ATRNL1: variants seen among roughly 807,000 people sequenced by gnomAD.
ATRNL1 encodes attractin like 1, also known as attractin-like protein 1.
A neutral mutation model predicts 182.7 loss-of-function variants in ATRNL1; 95 were observed. The observed-to-expected ratio is 0.52, with a 90% confidence interval of 0.44 to 0.62. The LOEUF is 0.62. ATRNL1 is among the 20% of genes least tolerant of loss of function. The pLI, the probability that ATRNL1 is intolerant of heterozygous loss-of-function variation, is 0.00. For missense variants in ATRNL1, 1,471 were observed against 1,679.5 expected, an observed-to-expected ratio of 0.88 and a Z score of 2.17; for synonymous variants, 576 against 568.3, an observed-to-expected ratio of 1.01 and a Z score of -0.19.
chr10:115,898,202 G>A (rs568174936), intron 28 of ATRNL1, among the ~76,000 whole-genome samples: 3 of 152,320 alleles, frequency 2.0e-5, no homozygotes, highest in Non-Finnish European at 2.9e-5. Context: ...TGGGATTACA[G>A]GCATGAGCCA....
intron 27 of ATRNL1, among the ~76,000 whole-genome samples, chr10:115,774,785 TA>T (rs1390988696): frequency 6.6e-6 from 1 of 152,112 alleles, no homozygotes; most frequent in Non-Finnish European, 1.5e-5. Context: ...TATTTTGTCT[TA>T]TTTTTTTTTC....
At chr10:115,703,925 C>T (rs1404319852) in intron 26 of ATRNL1, among the ~76,000 whole-genome samples, 3 of 151,598 alleles carry the variant, frequency 2.0e-5, no homozygotes, top group African/African-American at 7.3e-5. Flanking sequence ...GCTTGATTTT[C>T]AAGTCAGTGG....
intron 28 of ATRNL1, among the ~76,000 whole-genome samples, chr10:115,916,976 A>G (rs782303530): frequency 1.3e-5 from 2 of 152,224 alleles, no homozygotes; most frequent in Non-Finnish European, 2.9e-5. Context: ...CAAAAAATTA[A>G]GTTCCCAGTT....
At chr10:115,193,516 A>G (rs1848243017) in intron 8 of ATRNL1, among the ~76,000 whole-genome samples, 1 of 151,874 alleles carries the variant, frequency 6.6e-6, no homozygotes. Context: ...TTGTCTCCTA[A>G]TAGTCTCTAA....
At chr10:115,841,165 G>T (rs150624169) in intron 27 of ATRNL1, among the ~76,000 whole-genome samples, 52 of 151,964 alleles carry the variant, frequency 3.4e-4, no homozygotes, top group Non-Finnish European at 5.9e-5. Context: ...ACCAACTCAG[G>T]GCAAAGCATG....
At chr10:115,536,895 T>C (rs1852057869) in intron 25 of ATRNL1, among the ~76,000 whole-genome samples, 1 of 152,178 alleles carries the variant, frequency 6.6e-6, no homozygotes, top group Admixed American at 6.5e-5. Context: ...GATATAATCC[T>C]AGAATATTTG....
intron 20 of ATRNL1, among the ~76,000 whole-genome samples, chr10:115,398,906 T>G (rs1468892498): frequency 1.3e-5 from 2 of 152,132 alleles, no homozygotes; most frequent in African/African-American, 4.8e-5. Context: ...TGAGAGTTTT[T>G]AACATGAGTG....
At chr10:115,217,249 C>T (rs553435611) in intron 9 of ATRNL1, among the ~76,000 whole-genome samples, 7 of 152,162 alleles carry the variant, frequency 4.6e-5, no homozygotes, top group South Asian at 2.1e-4. Context: ...CCACCATGCC[C>T]GGCTAATTTT....
chr10:115,771,597 GC>G, intron 27 of ATRNL1, among the ~76,000 whole-genome samples: 1 of 152,092 alleles, frequency 6.6e-6, no homozygotes, highest in South Asian at 2.1e-4. Context: ...TTTAGAAAAT[GC>G]CTTTTTTATT....
chr10:115,275,839 T>G (rs1323053031), intron 13 of ATRNL1, among the ~76,000 whole-genome samples: 1 of 152,124 alleles, frequency 6.6e-6, no homozygotes, highest in Non-Finnish European at 1.5e-5. Flanking sequence ...CCATTAAATG[T>G]CTTCTATATT....
chr10:115,856,443 A>AAAAAAAAAAAAAAAAAAAAAAAAAAAAC (rs1951187879), intron 28 of ATRNL1, among the ~76,000 whole-genome samples: 1 of 146,234 alleles, frequency 6.8e-6, no homozygotes, highest in Non-Finnish European at 1.5e-5. Flanking sequence ...AAAAAAAAAA[A>AAAAAAAAAAAAAAAAAAAAAAAAAAAAC]AAAAAAAGCC....
intron 20 of ATRNL1, among the ~76,000 whole-genome samples, chr10:115,416,443 T>C (rs1484170961): frequency 6.6e-6 from 1 of 152,168 alleles, no homozygotes; most frequent in Non-Finnish European, 1.5e-5. Context: ...TTAGATAATA[T>C]ATGTTTCTAA....
rs1326692820 is a variant in ATRNL1, at chr10:115,241,704, G to A, written c.1666G>A (p.Asp556Asn). The change falls in exon 10 of 29, where the codon GAT (aspartate) becomes AAT (asparagine). Residue 556 changes from aspartate (D) to asparagine (N), a missense_variant. Physicochemically the swap from Asp to Asn is conservative, Grantham distance 23 (BLOSUM62 1). This residue lies in a region of ATRNL1 where 1,031 missense variants were observed against 1,156.0 expected (regional missense o/e 0.89). Coordinates refer to ENST00000355044, the MANE Select transcript of ATRNL1 (RefSeq NM_207303.4). ...LSNGAKCFSA[D>N]FLAYDIACDE... is the part of the protein sequence containing the mutation. ...TAACGGTGCAAAATGTTTTTCTGCC[G>A]ATTTCCTGGCATATGACATAGGTAT... 3.1e-6 allele frequency: 5 copies of A among 1,609,704 alleles called. No individual in the cohort carries two copies. The highest frequency in any genetic ancestry group is 1.7e-5 in the Admixed American group (1 of 59,928).
chr10:115,135,671 T>C (rs1323298271), intron 5 of ATRNL1, among the ~76,000 whole-genome samples: 3 of 152,126 alleles, frequency 2.0e-5, no homozygotes, highest in Non-Finnish European at 4.4e-5. Context: ...CTTCACAGAA[T>C]TGGAAAAAAC....
intron 26 of ATRNL1, among the ~76,000 whole-genome samples, chr10:115,634,695 T>C (rs1479428645): frequency 1.3e-5 from 2 of 152,128 alleles, no homozygotes; most frequent in Non-Finnish European, 2.9e-5. Context: ...ATTTAAAATA[T>C]TTATATGATT....
chr10:115,263,872 C>T (rs1179055677), intron 10 of ATRNL1, among the ~76,000 whole-genome samples: 2 of 151,606 alleles, frequency 1.3e-5, no homozygotes, highest in Admixed American at 1.3e-4. Context: ...TTGGATAAAA[C>T]ATTGGGAAAA....
At chr10:115,904,982 A>AT (rs1952457517) in intron 28 of ATRNL1, among the ~76,000 whole-genome samples, 1 of 152,186 alleles carries the variant, frequency 6.6e-6, no homozygotes, top group South Asian at 2.1e-4. Flanking sequence ...TGGAGTTTCT[A>AT]TCACTCGGAT....
At chr10:115,444,596 A>T (rs1846866462) in intron 21 of ATRNL1, among the ~76,000 whole-genome samples, 1 of 146,338 alleles carries the variant, frequency 6.8e-6, no homozygotes, top group Non-Finnish European at 1.5e-5. Flanking sequence ...TTTCTTTGCC[A>T]TTTTTGTATT....
chr10:115,299,499 G>A (rs1307145371), intron 15 of ATRNL1, among the ~76,000 whole-genome samples: 1 of 152,038 alleles, frequency 6.6e-6, no homozygotes, highest in Non-Finnish European at 1.5e-5. Context: ...AGACGTCTGA[G>A]CTAAGAGAGA....
Sources: allele counts gnomAD v4.1 joint callset (sites outside exome capture counted in the v4.1 genomes callset), GRCh38; gene constraint gnomAD v4.1.1; regional missense constraint gnomAD v4.1.1; transcripts MANE v1.5; gene names NCBI Gene and HGNC (gene_info 2026-07-23, HGNC 2026-07-21).